The following SLC44A5 variants were observed in gnomAD, a reference collection of about 807,000 sequenced individuals.
SLC44A5 encodes choline transporter-like protein 5.
A neutral mutation model predicts 101.8 loss-of-function variants in SLC44A5; 57 were observed. The observed-to-expected ratio is 0.56, with a 90% CI of 0.45 to 0.70. SLC44A5 has a LOEUF of 0.70. SLC44A5 is among the 30% of genes least tolerant of loss of function. The pLI is 0.00. For missense variants in SLC44A5, 737 were observed against 853.1 expected (o/e 0.86, Z 1.70); for synonymous variants, 281 against 290.9 (o/e 0.97, Z 0.35).
chr1:75,576,475 G>A (rs534885751), intron 1 of SLC44A5, among the ~76,000 whole-genome samples: 7 of 128,102 alleles, frequency 5.5e-5, no homozygotes, highest in Non-Finnish European at 8.7e-5. Context: ...CACCACGCCC[G>A]GCTAATTTTT....
At chr1:75,235,994 TAAG>T (rs1557558921) in intron 11 of SLC44A5, among the ~76,000 whole-genome samples, 1 of 151,972 alleles carries the variant, frequency 6.6e-6, no homozygotes, top group Admixed American at 6.6e-5. Context: ...GAGGAACACA[TAAG>T]AAGAAGTAAG....
the SLC44A5 span, among the ~76,000 whole-genome samples, chr1:75,698,189 C>T: frequency 6.6e-6 from 1 of 152,228 alleles, no homozygotes; most frequent in African/African-American, 2.4e-5. Context: ...TAGGTTCCAC[C>T]TCTGGGGGCA....
intron 11 of SLC44A5, among the ~76,000 whole-genome samples, chr1:75,236,698 T>C (rs759240611): frequency 1.8e-4 from 27 of 152,066 alleles, no homozygotes; most frequent in Non-Finnish European, 2.8e-4. Flanking sequence ...CCTGCAGATA[T>C]TGCTCCATGT....
At chr1:75,507,220 C>T (rs1262478509) in intron 2 of SLC44A5, among the ~76,000 whole-genome samples, 1 of 152,086 alleles carries the variant, frequency 6.6e-6, no homozygotes, top group Non-Finnish European at 1.5e-5. Flanking sequence ...GAGATACATT[C>T]TTTCAATGCC....
intron 6 of SLC44A5, among the ~76,000 whole-genome samples, chr1:75,261,808 T>G (rs1650532803): frequency 6.6e-6 from 1 of 152,036 alleles, no homozygotes; most frequent in African/African-American, 2.4e-5. Flanking sequence ...ATCAAAAAGC[T>G]TATCCACCAC....
At position 75,526,505 on chromosome 1, in the gene SLC44A5, TGAAG is replaced by T. The variant is rs150911910; in HGVS notation, c.13+14926_13+14929del. ...AGAGGCCCTTAGTGTGGCTGCAAAA[TGAAG>T]GAAGATCCCCCATTCATATTAGACT... On this transcript the variant is annotated intron_variant, in intron 2 of 23. Transcript: ENST00000370859. Among the ~76,000 whole-genome samples the T allele has an allele frequency of 7.7e-3, 1,166 of 152,204 alleles. 8 individuals are homozygous for T. The highest frequency in any genetic ancestry group is 0.027 in the African/African-American group (1,101 of 41,520).
chr1:75,668,265 A>C, the SLC44A5 span, among the ~76,000 whole-genome samples: 1 of 141,912 alleles, frequency 7.0e-6, no homozygotes, highest in Non-Finnish European at 1.5e-5. Context: ...TGTTATAATT[A>C]TATTCCTTGG....
chr1:75,269,868 A>C (rs1420193300), intron 6 of SLC44A5, among the ~76,000 whole-genome samples: 2 of 152,164 alleles, frequency 1.3e-5, no homozygotes, highest in African/African-American at 4.8e-5. Flanking sequence ...TATAGCTCCC[A>C]TAATTCCCAC....
intron 1 of SLC44A5, among the ~76,000 whole-genome samples, chr1:75,578,911 C>G (rs989825697): frequency 4.6e-5 from 7 of 151,292 alleles, no homozygotes; most frequent in Middle Eastern, 3.4e-3. Context: ...TTATTTGTCA[C>G]TTACAAAATC....
intron 13 of SLC44A5, among the ~76,000 whole-genome samples, chr1:75,227,075 G>T (rs1472227340): frequency 6.6e-6 from 1 of 152,066 alleles, no homozygotes; most frequent in African/African-American, 2.4e-5. Context: ...CAAGTTTCAG[G>T]CTGGGCACGG....
chr1:75,631,212 T>G, the SLC44A5 span, among the ~76,000 whole-genome samples: 12 of 152,196 alleles, frequency 7.9e-5, no homozygotes, highest in Admixed American at 6.6e-4. Flanking sequence ...TTTAGAACCT[T>G]GACCTTTGAA....
At chr1:75,495,302 A>T (rs1668612821) in intron 2 of SLC44A5, among the ~76,000 whole-genome samples, 1 of 151,976 alleles carries the variant, frequency 6.6e-6, no homozygotes, top group Non-Finnish European at 1.5e-5. Flanking sequence ...GAAAATACAA[A>T]AAATTAGCCA....
intron 2 of SLC44A5, among the ~76,000 whole-genome samples, chr1:75,540,782 T>A (rs1456143351): frequency 2.6e-5 from 4 of 152,166 alleles, no homozygotes; most frequent in Non-Finnish European, 4.4e-5. Context: ...TCATTTTCAA[T>A]AAACATTTGG....
At chr1:75,411,404 G>A (rs1184672134) in intron 2 of SLC44A5, among the ~76,000 whole-genome samples, 1 of 152,030 alleles carries the variant, frequency 6.6e-6, no homozygotes, top group Non-Finnish European at 1.5e-5. Flanking sequence ...TGCCTTTGGA[G>A]AATGCATAAT....
At chr1:75,466,222 A>T (rs1253167648) in intron 2 of SLC44A5, among the ~76,000 whole-genome samples, 4 of 152,218 alleles carry the variant, frequency 2.6e-5, no homozygotes, top group African/African-American at 9.7e-5. Flanking sequence ...ATGGTTCAAC[A>T]TACGTAAGCC....
At chr1:75,565,207 C>T (rs747655340) in intron 1 of SLC44A5, among the ~76,000 whole-genome samples, 26 of 152,114 alleles carry the variant, frequency 1.7e-4, no homozygotes, top group Non-Finnish European at 3.2e-4. Context: ...AAGGAGTCTT[C>T]AATCTATTTT....
chr1:75,255,672 A>G (rs772169917), intron 6 of SLC44A5, among the ~76,000 whole-genome samples: 62 of 152,292 alleles, frequency 4.1e-4, no homozygotes, highest in Non-Finnish European at 7.1e-4. Flanking sequence ...CTTCAGGATT[A>G]AAGGACTTAC....
chr1:75,397,107 A>G (rs1183927000), intron 2 of SLC44A5, among the ~76,000 whole-genome samples: 3 of 152,210 alleles, frequency 2.0e-5, no homozygotes, highest in Non-Finnish European at 4.4e-5. Flanking sequence ...TGAATTCAGC[A>G]GTCCCACCTT....
chr1:75,414,823 C>A (rs542196342), intron 2 of SLC44A5, among the ~76,000 whole-genome samples: 123 of 152,092 alleles, frequency 8.1e-4, no homozygotes, highest in African/African-American at 2.9e-3. Context: ...GAAAAAGAAC[C>A]AAAATGACAG....
Sources: gnomAD v4.1 joint callset for allele counts (sites outside exome capture counted in the v4.1 genomes callset) on GRCh38, gnomAD v4.1.1 for gene constraint, MANE v1.5 for transcripts, NCBI Gene and HGNC (gene_info 2026-07-23, HGNC 2026-07-21) for gene names.